Variants in DPYD observed in about 807,000 individuals in gnomAD.
The protein encoded by DPYD is dihydropyrimidine dehydrogenase.
In DPYD, 109 loss-of-function variants were observed where a neutral mutation model predicts 116.2. The ratio of observed to expected loss-of-function variants is 0.94; its 90% confidence interval spans 0.80 to 1.10. DPYD has a LOEUF of 1.10. Among genes scored for constraint, DPYD ranks in the 50% least tolerant of loss-of-function variants. The pLI is 0.00. For synonymous variants in DPYD, 440 were observed against 432.0 expected, an observed-to-expected ratio of 1.02 and a Z score of -0.23; for missense variants, 1,302 against 1,254.5, an observed-to-expected ratio of 1.04 and a Z score of -0.57.
chr1:97,691,982 C>T (rs1255722780), intron 6 of DPYD, among the ~76,000 whole-genome samples, 184 bp from the exon 7 acceptor site: 1 of 151,710 alleles, frequency 6.6e-6, no homozygotes, highest in Non-Finnish European at 1.5e-5. Flanking sequence ...AAACATGTTA[C>T]GTGGAGTGAA....
intron 11 of DPYD, among the ~76,000 whole-genome samples, chr1:97,554,614 C>G (rs976785914): frequency 3.3e-5 from 5 of 152,000 alleles, no homozygotes; most frequent in African/African-American, 1.2e-4. Context: ...TCAGCAAGAT[C>G]AAAATAAATT....
chr1:97,788,272 C>A (rs944546660), intron 3 of DPYD, among the ~76,000 whole-genome samples: 2 of 152,116 alleles, frequency 1.3e-5, no homozygotes, highest in South Asian at 2.1e-4. Flanking sequence ...GATGCTGCAC[C>A]AGTTTTGAAC....
chr1:97,288,956 G>A (rs1167764970), intron 18 of DPYD, among the ~76,000 whole-genome samples: 9 of 151,742 alleles, frequency 5.9e-5, no homozygotes, highest in Non-Finnish European at 8.8e-5. Flanking sequence ...TAATAAAGAA[G>A]AAAAGAGAGA....
At chr1:97,672,595 T>C (rs761181137) in intron 8 of DPYD, among the ~76,000 whole-genome samples, 2 of 152,210 alleles carry the variant, frequency 1.3e-5, no homozygotes, top group Admixed American at 1.3e-4. Context: ...CTATTCATAG[T>C]TGTGGATAGT....
chr1:97,707,432 A>C (rs1662036880), intron 5 of DPYD, among the ~76,000 whole-genome samples: 1 of 129,862 alleles, frequency 7.7e-6, no homozygotes, highest in Middle Eastern at 3.7e-3. Flanking sequence ...TCCCAGTGCT[A>C]TCCCTCCCCC....
chr1:97,126,213 C>T (rs1652819896), intron 20 of DPYD, among the ~76,000 whole-genome samples: 1 of 152,102 alleles, frequency 6.6e-6, no homozygotes, highest in East Asian at 1.9e-4. Flanking sequence ...AATCCAACCT[C>T]CACACATGAG....
intron 7 of DPYD, among the ~76,000 whole-genome samples, chr1:97,684,546 C>T (rs903496677): frequency 6.0e-5 from 9 of 150,076 alleles, no homozygotes; most frequent in African/African-American, 2.0e-4. Flanking sequence ...TGAATGAATC[C>T]GGGAGCTGGT....
chr1:97,561,025 G>C (rs1157906873), intron 11 of DPYD, among the ~76,000 whole-genome samples: 1 of 152,210 alleles, frequency 6.6e-6, no homozygotes. Flanking sequence ...AAGAGAGGAA[G>C]TCTGAGAAAT....
At chr1:97,678,264 T>C (rs1557877722) in intron 8 of DPYD, among the ~76,000 whole-genome samples, 1 of 152,198 alleles carries the variant, frequency 6.6e-6, no homozygotes, top group Non-Finnish European at 1.5e-5. Context: ...TCTAATCTAA[T>C]GCTGATCTGA....
At chr1:97,561,726 C>G (rs543673016) in intron 11 of DPYD, among the ~76,000 whole-genome samples, 4 of 152,282 alleles carry the variant, frequency 2.6e-5, no homozygotes, top group Admixed American at 2.0e-4. Context: ...TCCACCCTTA[C>G]TCTATTATTT....
At chr1:97,864,685 T>C (rs1671284452) in intron 2 of DPYD, among the ~76,000 whole-genome samples, 2 of 151,794 alleles carry the variant, frequency 1.3e-5, no homozygotes, top group South Asian at 4.2e-4. Flanking sequence ...AGAAGAAAAA[T>C]ACTTCGAGAA....
At chr1:97,551,534 C>G (rs2786529) in intron 11 of DPYD, among the ~76,000 whole-genome samples, 37,799 of 151,940 alleles carry the variant, frequency 0.25, 5,208 homozygotes, top group African/African-American at 0.35. Flanking sequence ...TGGCCTACAA[C>G]AGATCTGAAA....
At chr1:97,894,828 TA>T (rs1304455856) in intron 1 of DPYD, among the ~76,000 whole-genome samples, 3 of 151,706 alleles carry the variant, frequency 2.0e-5, no homozygotes, top group Non-Finnish European at 4.4e-5. Context: ...ACTTTAATTA[TA>T]AACTATTTTC....
chr1:97,391,540 G>GT (rs1672705469), intron 14 of DPYD, among the ~76,000 whole-genome samples: 1 of 151,954 alleles, frequency 6.6e-6, no homozygotes, highest in African/African-American at 2.4e-5. Context: ...AGGCATCAGA[G>GT]TTTTTCAAGT....
chr1:97,541,314 T>C lies in DPYD; in HGVS notation c.1524+8246A>G, dbSNP rs1351535761. 2.0e-5 allele frequency among the ~76,000 whole-genome samples: 3 copies of C among 152,322 alleles called. No individual in the cohort carries two copies. The East Asian group carries it at 5.8e-4, about 29-fold the overall frequency. On this transcript the variant is annotated intron_variant, in intron 12 of 22. Transcript: ENST00000370192. ...GAAGGTTGATTCTATGAAAACTAAG[T>C]TGAATGTTCTTGAAGGATATGATAA...
chr1:97,362,567 A>G (rs1482553461), intron 16 of DPYD, among the ~76,000 whole-genome samples: 2 of 152,248 alleles, frequency 1.3e-5, no homozygotes, highest in Non-Finnish European at 2.9e-5. Flanking sequence ...ACAAGGCTAC[A>G]GTAACCAAGA....
intron 1 of DPYD, among the ~76,000 whole-genome samples, chr1:97,902,333 A>C (rs1192503554): frequency 6.6e-6 from 1 of 151,778 alleles, no homozygotes; most frequent in African/African-American, 2.4e-5. Context: ...ATTATCCATG[A>C]CTTTACATTG....
chr1:97,259,586 C>A (rs1232240403), intron 18 of DPYD, among the ~76,000 whole-genome samples: 2 of 151,998 alleles, frequency 1.3e-5, no homozygotes, highest in African/African-American at 4.8e-5. Flanking sequence ...TTAGGATTAG[C>A]AGATGAGATC....
chr1:97,134,012 AAAATATATATATATATAT>A lies in DPYD; in HGVS notation c.2623-35398_2623-35381del, dbSNP rs1378512333. On this transcript the variant is annotated intron_variant, in intron 20 of 22. Coordinates refer to ENST00000370192, the MANE Select transcript of DPYD (RefSeq NM_000110.4). The stretch of plus-strand genomic sequence containing the variant: ...AGACTCTGTTTCAAAAAAAAAAAAA[AAAATATATATATATATAT>A]ATATATATATATATATATATATATA... Among the ~76,000 whole-genome samples, 136 of 48,840 alleles carry A rather than the reference AAAATATATATATATATAT, an allele frequency of 2.8e-3. 13 individuals carry two copies. The highest frequency in any genetic ancestry group is 4.2e-3 in the Admixed American group (19 of 4,520). 32.0% of individuals were successfully genotyped at this position (48,840 alleles called of 152,430 possible).
Sources: gnomAD v4.1 joint callset for allele counts (sites outside exome capture counted in the v4.1 genomes callset) on GRCh38, gnomAD v4.1.1 for gene constraint, MANE v1.5 for transcripts, NCBI Gene and HGNC (gene_info 2026-07-23, HGNC 2026-07-21) for gene names.